GOLGA8M: variants seen among roughly 807,000 people sequenced by gnomAD.
GOLGA8M encodes the protein golgin subfamily A member 8M.
In GOLGA8M, 34 loss-of-function variants were observed where a neutral mutation model predicts 87.7. That is an observed-to-expected ratio of 0.39 (90% CI 0.29 to 0.52). The LOEUF (loss-of-function observed/expected upper bound fraction) is 0.52. Among genes scored for constraint, GOLGA8M ranks in the 20% least tolerant of loss-of-function variants. The pLI is 0.80. For missense variants in GOLGA8M, 396 were observed against 682.2 expected (o/e 0.58, Z 4.67); for synonymous variants, 138 against 250.2 (o/e 0.55, Z 4.23).
Position 28,708,701 on chromosome 15 carries a change from A to G in GOLGA8M, c.310-288T>C, listed in dbSNP as rs1456595177. ...TTTCAGAAAGGCCCCTCCTTCTGGC[A>G]GCTTGTGATTTAGAAAAGTGGGTTC... On this transcript the variant is annotated intron_variant, in intron 4 of 18. Coordinates refer to ENST00000563027, the MANE Select transcript of GOLGA8M (RefSeq NM_001282468.3). 3.3e-5 allele frequency among the ~76,000 whole-genome samples: 5 copies of G among 152,006 alleles called. No homozygotes were observed. In the East Asian group the frequency reaches 9.7e-4, roughly 30 times the overall value.
In GOLGA8M at chr15:28,705,612, G is replaced by A; in HGVS notation, c.1002C>T (p.Leu334=). Residue 334 remains leucine (L), a synonymous_variant, in exon 12 of 19, where the codon CTC becomes CTT. Transcript: ENST00000563027. ...AQVKNNQRIS[L]LNQRQEERIR... ...TCCTCTCTTCTTGTCGCTGGTTCAG[G>A]AGACTTATGCGCTGATTGTTTTTGA... 1 of 1,589,076 alleles carries A rather than the reference G, an allele frequency of 6.3e-7. No homozygotes were observed. The highest frequency in any genetic ancestry group is 8.5e-7 in the Non-Finnish European group (1 of 1,178,686).
intron 4 of GOLGA8M, among the ~76,000 whole-genome samples, 169 bp from the exon 5 acceptor site, chr15:28,708,582 G>C (rs912964170): frequency 6.8e-6 from 1 of 147,576 alleles, no homozygotes; most frequent in Non-Finnish European, 1.5e-5. Flanking sequence ...CAGAGGATTT[G>C]GGTCTTTGTG....
intron 1 of GOLGA8M, chr15:28,712,074 G>T (rs2080211424): frequency 1.0e-6 from 1 of 984,242 alleles, no homozygotes; most frequent in Non-Finnish European, 1.2e-6. Context: ...GTCACCCTGG[G>T]GTGATTGGCG....
At position 28,701,156 on chromosome 15, in the gene GOLGA8M, A is replaced by G. The variant is rs2140900519; in HGVS notation, c.*798T>C. 6.6e-6 allele frequency among the ~76,000 whole-genome samples: 1 copy of G among 152,160 alleles called. No homozygotes were observed. The highest frequency in any genetic ancestry group is 2.4e-5 in the African/African-American group (1 of 41,472). ...ATAAGCCCTTTTTAGGTCATCGAAA[A>G]AGAGTACAACTGCTGCAGCTCATGA... On this transcript the variant is annotated 3_prime_UTR_variant, in exon 19 of 19. Coordinates refer to ENST00000563027, the MANE Select transcript of GOLGA8M (RefSeq NM_001282468.3).
intron 13 of GOLGA8M, 86 bp from the exon 14 acceptor site, chr15:28,704,003 G>A: frequency 6.3e-7 from 1 of 1,575,260 alleles, no homozygotes; most frequent in Non-Finnish European, 8.5e-7. Context: ...CCCTCCCCTG[G>A]GTCTCCTGCA....
rs193226780 is a variant in GOLGA8M at position 28,704,452 on chromosome 15, C to T, written c.1201-535G>A. 2.6e-4 allele frequency among the ~76,000 whole-genome samples: 39 copies of T among 148,010 alleles called. 7 individuals carry two copies. The East Asian group carries it at 8.4e-3, about 32-fold the overall frequency. The stretch of plus-strand genomic sequence containing the variant: ...TCTCATACCCTCTTCTCATTTAATC[C>T]GCAGCACCTCTGTAAGGAAAATGCT... On this transcript the variant is annotated intron_variant, in intron 13 of 18. Coordinates refer to ENST00000563027, the MANE Select transcript of GOLGA8M (RefSeq NM_001282468.3).
chr15:28,707,419 A>T (rs2140932647), intron 8 of GOLGA8M, among the ~76,000 whole-genome samples: 1 of 145,090 alleles, frequency 6.9e-6, no homozygotes, highest in Non-Finnish European at 1.5e-5. Context: ...AGAAATGGTA[A>T]CATACTAAAG....
At chr15:28,708,690 C>T (rs1416692365) in intron 4 of GOLGA8M, among the ~76,000 whole-genome samples, 1 of 151,626 alleles carries the variant, frequency 6.6e-6, no homozygotes, top group Non-Finnish European at 1.5e-5. Flanking sequence ...AGAAAGGCCC[C>T]TCCTTCTGGC....
chr15:28,702,914 C>T (rs1179036737), intron 15 of GOLGA8M, 169 bp from the exon 16 acceptor site: 11 of 969,900 alleles, frequency 1.1e-5, no homozygotes, highest in Non-Finnish European at 1.3e-5. Flanking sequence ...GGCCCTGGGG[C>T]TGCAGGGCCT....
chr15:28,708,795 AG>A (rs1201380636), intron 4 of GOLGA8M, among the ~76,000 whole-genome samples: 1 of 151,932 alleles, frequency 6.6e-6, no homozygotes, highest in Admixed American at 6.6e-5. Context: ...AGGATGGAAA[AG>A]GACAGACAGG....
rs752380497 is a variant in GOLGA8M at position 28,702,529 on chromosome 15, G to A, written c.1503C>T (p.Gly501=). 3.1e-6 allele frequency: 5 copies of A among 1,601,742 alleles called. No homozygotes were observed. Among genetic ancestry groups the A allele is most frequent in the East Asian group, 2.2e-5 (1 of 44,742 alleles). ...KIHHLLSEPG[G]RAKDAALGGG... Reference sequence around the variant, plus strand: ...CTCCCAGTGCCGCATCTTTGGCACGGCCCCCTGGTTCTGATAAAAGGTGAT... The same window carrying A: ...CTCCCAGTGCCGCATCTTTGGCACGACCCCCTGGTTCTGATAAAAGGTGAT... Residue 501 remains glycine, a synonymous_variant, in exon 17 of 19, where the codon GGC becomes GGT. Transcript: ENST00000563027.
At chr15:28,703,157 A>T (rs1434801356) in intron 15 of GOLGA8M, among the ~76,000 whole-genome samples, 162 bp downstream of exon 15, 1 of 132,616 alleles carries the variant, frequency 7.5e-6, no homozygotes, top group Non-Finnish European at 1.5e-5. Context: ...GCCCCCAGAG[A>T]CTGCACATGT....
rs201109874 is a variant in GOLGA8M, at chr15:28,710,790, A to C, written c.49-184T>G. ...TTGATATCATGGCTAGAAAAAAAAA[A>C]AGAAAAAGGCAATACTGGAACTTTG... On this transcript the variant is annotated intron_variant, in intron 1 of 18. Coordinates refer to ENST00000563027, the MANE Select transcript of GOLGA8M (RefSeq NM_001282468.3). 5.1e-4 allele frequency among the ~76,000 whole-genome samples: 76 copies of C among 148,282 alleles called. No homozygotes were observed. In the East Asian group the frequency reaches 0.012, roughly 24 times the overall value.
At chr15:28,702,193 C>T (rs1472953225) in intron 18 of GOLGA8M, 21 bp downstream of exon 18, 1 of 1,589,862 alleles carries the variant, frequency 6.3e-7, no homozygotes, top group Non-Finnish European at 8.5e-7. Context: ...CCTGCCCACA[C>T]CACCTGAGGG....
In GOLGA8M at chr15:28,702,290, A is replaced by C; in HGVS notation, c.1647T>G (p.Ala549=). 6.5e-7 allele frequency: 1 copy of C among 1,542,874 alleles called. No individual in the cohort carries two copies. Among genetic ancestry groups the C allele is most frequent in the Non-Finnish European group, 8.7e-7 (1 of 1,154,176 alleles). Residue 549 remains alanine (A), a synonymous_variant, in exon 18 of 19, where the codon GCT becomes GCG. Coordinates refer to ENST00000563027, the MANE Select transcript of GOLGA8M (RefSeq NM_001282468.3). ...YNNGHRKFLA[A]AHNSADEPGP... ...CGGGCTCATCAGCAGAGTTGTGGGC[A>C]GCGGCCAGGAATTTTCTGTGCCCAT...
Position 28,708,122 on chromosome 15 carries a change from T to G in GOLGA8M, c.396+4A>C, listed in dbSNP as rs1424061439. The stretch of plus-strand genomic sequence containing the variant: ...CAGGAGGAAACTGCACACCCTCCAC[T>G]CACCTCTAGCACCCTTTTGGCTTTC... On this transcript the variant is annotated splice_donor_region_variant and intron_variant, in intron 6 of 18. Transcript: ENST00000563027. The G allele has an allele frequency of 6.3e-7, 1 of 1,599,648 alleles. No individual in the cohort carries two copies. Among genetic ancestry groups the G allele is most frequent in the Non-Finnish European group, 8.5e-7 (1 of 1,174,518 alleles).
Position 28,703,974 on chromosome 15 carries a change from A to G in GOLGA8M, c.1201-57T>C, listed in dbSNP as rs548616792. 569 of 1,587,398 alleles carry G rather than the reference A, an allele frequency of 3.6e-4. 5 individuals are homozygous for G. The South Asian group carries it at 4.7e-3, about 13-fold the overall frequency. ...GAGTTTGCCAGGTCGTCCCCCTCAC[A>G]GCCCCATCCTCCGCAGCTCCCTCCC... On this transcript the variant is annotated intron_variant, in intron 13 of 18. Coordinates refer to ENST00000563027, the MANE Select transcript of GOLGA8M (RefSeq NM_001282468.3).
At chr15:28,707,553 A>C (rs1238051920) in intron 8 of GOLGA8M, among the ~76,000 whole-genome samples, 195 bp downstream of exon 8, 9 of 140,130 alleles carry the variant, frequency 6.4e-5, no homozygotes, top group South Asian at 2.3e-4. Flanking sequence ...TGCTCACTCC[A>C]CACAGTGACC....
rs1224644034 is a variant in GOLGA8M at position 28,708,036 on chromosome 15, A to C, written c.398T>G (p.Val133Gly). 8.2e-6 allele frequency: 13 copies of C among 1,594,750 alleles called. No individual in the cohort carries two copies. Among genetic ancestry groups the C allele is most frequent in the Admixed American group, 1.9e-5 (1 of 53,210 alleles). ...KKQKAKRVLE[V>G]QLQTLNIQKE... ...CTGTATGTTCAATGTCTGGAGTTGA[A>C]CCTTTGGGAGAAAAGCCAAGCAAGT... The change falls in exon 7 of 19, where the codon GTT (valine) becomes GGT (glycine). Residue 133 changes from valine to glycine, a missense_variant and splice_region_variant. Val to Gly is a moderately radical substitution (Grantham distance 109). Coordinates refer to ENST00000563027, the MANE Select transcript of GOLGA8M (RefSeq NM_001282468.3).
Sources: allele counts gnomAD v4.1 joint callset (sites outside exome capture counted in the v4.1 genomes callset), GRCh38; gene constraint gnomAD v4.1.1; transcripts MANE v1.5; gene names NCBI Gene and HGNC (gene_info 2026-07-23, HGNC 2026-07-21).